Variants in ADARB2 observed in about 807,000 individuals in gnomAD.
ADARB2 encodes the protein inactive double-stranded RNA-specific editase B2.
In ADARB2, 25 loss-of-function variants were observed where a neutral mutation model predicts 62.2. That is an observed-to-expected ratio of 0.40 (90% CI 0.29 to 0.56). The LOEUF is 0.56. Among genes scored for constraint, ADARB2 ranks in the 20% least tolerant of loss-of-function variants. ADARB2 has a pLI of 0.43. For synonymous variants in ADARB2, 572 were observed against 500.8 expected (o/e 1.14, Z -1.90); for missense variants, 1,071 against 1,077.4 (o/e 0.99, Z 0.08).
intron 1 of ADARB2, among the ~76,000 whole-genome samples, chr10:1,510,162 T>C (rs1490211739): frequency 6.8e-6 from 1 of 146,848 alleles, no homozygotes; most frequent in Non-Finnish European, 1.5e-5. Flanking sequence ...CTTTCTTTCT[T>C]TCTTTCTTTT....
chr10:1,244,617 G>A (rs781640119), intron 4 of ADARB2, among the ~76,000 whole-genome samples: 6 of 152,216 alleles, frequency 3.9e-5, no homozygotes, highest in Non-Finnish European at 5.9e-5. Flanking sequence ...CCAGCACCAC[G>A]TTCCCAACAC....
At chr10:1,200,177 C>A (rs1471752397) in intron 7 of ADARB2, 30 bp from the exon 8 acceptor site, 2 of 1,550,276 alleles carry the variant, frequency 1.3e-6, no homozygotes, top group Non-Finnish European at 1.7e-6. Flanking sequence ...TCAGCGGAGC[C>A]CCACCCAGGA....
At chr10:1,489,721 C>T (rs904617774) in intron 1 of ADARB2, among the ~76,000 whole-genome samples, 1 of 152,140 alleles carries the variant, frequency 6.6e-6, no homozygotes, top group Non-Finnish European at 1.5e-5. Context: ...CTCAAACCAG[C>T]ACTTTCTGAA....
At chr10:1,434,041 A>AT (rs1318789251) in intron 1 of ADARB2, among the ~76,000 whole-genome samples, 5 of 152,274 alleles carry the variant, frequency 3.3e-5, no homozygotes, top group East Asian at 1.9e-4. Context: ...TTAGGTGCTG[A>AT]TTTTTTTGTA....
At chr10:1,502,813 T>G (rs944042148) in intron 1 of ADARB2, among the ~76,000 whole-genome samples, 4 of 152,272 alleles carry the variant, frequency 2.6e-5, no homozygotes, top group Admixed American at 2.6e-4. Flanking sequence ...GTCTGGTTAT[T>G]GCATTAAAAA....
chr10:1,349,855 G>A (rs1290277715), intron 3 of ADARB2, among the ~76,000 whole-genome samples: 2 of 152,088 alleles, frequency 1.3e-5, no homozygotes, highest in Non-Finnish European at 2.9e-5. Context: ...GGGGAAGCCT[G>A]CCTTGGTCAT....
intron 1 of ADARB2, among the ~76,000 whole-genome samples, chr10:1,711,657 C>G (rs1017453955): frequency 1.3e-5 from 2 of 152,200 alleles, no homozygotes; most frequent in Non-Finnish European, 2.9e-5. Flanking sequence ...ACAGTTGTGT[C>G]TTGTATGATA....
chr10:1,677,277 C>T (rs868605584), intron 1 of ADARB2, among the ~76,000 whole-genome samples: 3 of 152,154 alleles, frequency 2.0e-5, no homozygotes, highest in Non-Finnish European at 4.4e-5. Flanking sequence ...CTGAAGCTGC[C>T]GACTCGGACC....
At chr10:1,262,316 TAATAAA>T (rs1831148415) in intron 4 of ADARB2, among the ~76,000 whole-genome samples, 1 of 137,862 alleles carries the variant, frequency 7.3e-6, no homozygotes. Context: ...ATAATAATAA[TAATAAA>T]AGAAACCACC....
intron 1 of ADARB2, among the ~76,000 whole-genome samples, chr10:1,437,306 G>T (rs1315700399): frequency 4.0e-5 from 6 of 151,762 alleles, no homozygotes; most frequent in African/African-American, 1.5e-4. Flanking sequence ...ATATGTGTGT[G>T]TGTGTATATA....
At chr10:1,576,395 A>G (rs79554578) in intron 1 of ADARB2, among the ~76,000 whole-genome samples, 1 of 148,062 alleles carries the variant, frequency 6.8e-6, no homozygotes. Flanking sequence ...TCAGAGTCAC[A>G]GGAGGGGGCT....
intron 1 of ADARB2, among the ~76,000 whole-genome samples, chr10:1,647,108 C>G (rs186917393): frequency 6.6e-6 from 1 of 152,224 alleles, no homozygotes; most frequent in Non-Finnish European, 1.5e-5. Context: ...GCTCTGGAGG[C>G]ATAATTTAAA....
rs1178468295 is a variant in ADARB2 at position 1,510,117 on chromosome 10, T to TTTCTTTCTTTCTTTC, written c.101-130972_101-130958dup. Among the ~76,000 whole-genome samples the TTTCTTTCTTTCTTTC allele has an allele frequency of 5.1e-3, 476 of 93,880 alleles. 5 individuals carry two copies. Among genetic ancestry groups the TTTCTTTCTTTCTTTC allele is most frequent in the African/African-American group, 0.02 (446 of 22,366 alleles). The allele number at this position is 93,880 out of a possible 152,430, so 61.6% of individuals were successfully genotyped here. A position where few individuals can be genotyped will look rare whatever the true frequency, so the allele number is the denominator to read the frequency against. On this transcript the variant is annotated intron_variant, in intron 1 of 9. Coordinates refer to ENST00000381312, the MANE Select transcript of ADARB2 (RefSeq NM_018702.4). The stretch of plus-strand genomic sequence containing the variant: ...TCTCTTTTCTTTCTTTCTCTCTTTC[T>TTTCTTTCTTTCTTTC]TTCTTTCTTTCTTTCTTTCTTTCTT...
intron 1 of ADARB2, among the ~76,000 whole-genome samples, chr10:1,456,985 G>A (rs946827421): frequency 7.4e-6 from 1 of 134,484 alleles, no homozygotes; most frequent in Non-Finnish European, 1.7e-5. Flanking sequence ...TAGTAGAGAC[G>A]GGGGTTTCAC....
rs376168167 is a variant in ADARB2 at position 1,196,252 on chromosome 10, C to T, written c.1864+3714G>A. ...ACAAAGCACTCATATTTTGTTTGTC[C>T]GTCTCCCCTACTGGAATGCAATCAC... On this transcript the variant is annotated intron_variant, in intron 8 of 9. Transcript: ENST00000381312. Among the ~76,000 whole-genome samples the T allele has an allele frequency of 4.1e-4, 55 of 135,730 alleles. 1 individual carries two copies. Among genetic ancestry groups the T allele is most frequent in the East Asian group, 3.0e-3 (15 of 4,952 alleles). 89.0% of individuals were successfully genotyped at this position (135,730 alleles called of 152,430 possible). A position where few individuals can be genotyped will look rare whatever the true frequency, so the allele number is the denominator to read the frequency against.
chr10:1,507,138 A>T (rs1295744015), intron 1 of ADARB2, among the ~76,000 whole-genome samples: 1 of 152,216 alleles, frequency 6.6e-6, no homozygotes, highest in Non-Finnish European at 1.5e-5. Flanking sequence ...TTACTCACTG[A>T]TTCTTCCAGT....
At chr10:1,245,191 C>T (rs147754884) in intron 4 of ADARB2, among the ~76,000 whole-genome samples, 122 of 152,026 alleles carry the variant, frequency 8.0e-4, no homozygotes, top group African/African-American at 2.9e-3. Context: ...ACCCAGAGAG[C>T]ACAGCAAGGA....
At chr10:1,287,615 G>GCCAACCTTA (rs1831425870) in intron 3 of ADARB2, among the ~76,000 whole-genome samples, 1 of 152,172 alleles carries the variant, frequency 6.6e-6, no homozygotes. Flanking sequence ...TGGACCCAAA[G>GCCAACCTTA]CCAACCTTAG....
chr10:1,405,035 C>A (rs1013094970), intron 1 of ADARB2, among the ~76,000 whole-genome samples: 3 of 152,138 alleles, frequency 2.0e-5, no homozygotes, highest in Non-Finnish European at 4.4e-5. Context: ...AGGATCGTTG[C>A]GTCTTCAGAA....
Sources: allele counts gnomAD v4.1 joint callset (sites outside exome capture counted in the v4.1 genomes callset), GRCh38; gene constraint gnomAD v4.1.1; transcripts MANE v1.5; gene names NCBI Gene and HGNC (gene_info 2026-07-23, HGNC 2026-07-21).